FAM171B: variants seen among roughly 807,000 people sequenced by gnomAD.
FAM171B encodes protein FAM171B.
In FAM171B, 19 loss-of-function variants were observed where a neutral mutation model predicts 75.6. The ratio of observed to expected loss-of-function variants is 0.25; its 90% confidence interval spans 0.18 to 0.37. The LOEUF is 0.37. FAM171B is among the 10% of genes least tolerant of loss of function. The probability of loss-of-function intolerance (pLI) is 1.00; values close to 1 mark genes in which losing one functional copy is unlikely to be tolerated. For missense variants in FAM171B, 848 were observed against 982.4 expected (o/e 0.86, Z 1.83); for synonymous variants, 367 against 361.7 (o/e 1.01, Z -0.17).
chr2:186,717,984 GTTA>G (rs1177419618), intron 1 of FAM171B, among the ~76,000 whole-genome samples: 1 of 152,018 alleles, frequency 6.6e-6, no homozygotes, highest in Non-Finnish European at 1.5e-5. Context: ...CTCAATAAAT[GTTA>G]TTATAAATAA....
chr2:186,740,113 C>T, intron 1 of FAM171B, 115 bp from the exon 2 acceptor site: 1 of 671,362 alleles, frequency 1.5e-6, no homozygotes, highest in Non-Finnish European at 2.5e-6. Context: ...TGTGTAGTTC[C>T]TAAGTTTAAC....
intron 1 of FAM171B, among the ~76,000 whole-genome samples, chr2:186,714,012 G>A (rs1689842257): frequency 3.3e-5 from 5 of 152,084 alleles, no homozygotes; most frequent in Admixed American, 1.3e-4. Flanking sequence ...TTCTTTATGC[G>A]AAAAACAAGA....
At chr2:186,736,804 T>C (rs1248145172) in intron 1 of FAM171B, among the ~76,000 whole-genome samples, 3 of 152,046 alleles carry the variant, frequency 2.0e-5, no homozygotes, top group Non-Finnish European at 2.9e-5. Context: ...GGTATAACAA[T>C]ATTTTGATAG....
In FAM171B at chr2:186,761,802, C is replaced by G. The variant is rs965752652; in HGVS notation, c.1460C>G (p.Pro487Arg). ...YSRNPTQSLE[P>R]NVGSKQPKHI... is the part of the protein sequence containing the mutation. ...AGAAACCCAACACAGTCTTTGGAGC[C>G]CAATGTAGGGTCCAAACAACCTAAA... Residue 487 changes from proline to arginine, a missense_variant, in exon 8 of 8, where the codon CCC (proline) becomes CGC (arginine). Transcript: ENST00000304698. 3.6e-5 allele frequency: 58 copies of G among 1,613,032 alleles called. No individual in the cohort carries two copies. The highest frequency in any genetic ancestry group is 4.5e-5 in the Non-Finnish European group (53 of 1,179,748).
intron 1 of FAM171B, among the ~76,000 whole-genome samples, chr2:186,700,924 CT>C (rs1021547359): frequency 1.3e-4 from 19 of 150,148 alleles, no homozygotes; most frequent in South Asian, 4.2e-4. Flanking sequence ...TTCTCTTTAA[CT>C]TTTTTTTTTC....
rs1278610535 is a variant in FAM171B at position 186,753,897 on chromosome 2, A to G, written c.896-36A>G. On this transcript the variant is annotated intron_variant, in intron 5 of 7. Transcript: ENST00000304698. ...GTGCATGACCATCAGTTCTTAAGAT[A>G]TAACTGTAACAAGTATTTTTTACAT... is the stretch of plus-strand genomic sequence containing the variant. 7.9e-6 allele frequency: 12 copies of G among 1,518,294 alleles called. No individual in the cohort carries two copies. In the South Asian group the frequency reaches 1.3e-4, roughly 17 times the overall value. The allele number at this position is 1,518,294 out of a possible 1,614,324, so 94.1% of individuals were successfully genotyped here.
chr2:186,747,929 T>C (rs1690391245), intron 4 of FAM171B, among the ~76,000 whole-genome samples: 2 of 152,184 alleles, frequency 1.3e-5, no homozygotes, highest in Admixed American at 6.5e-5. Context: ...TCCACCATTT[T>C]TTTTTTCTTT....
At chr2:186,733,791 A>T (rs1052719470) in intron 1 of FAM171B, among the ~76,000 whole-genome samples, 5 of 152,190 alleles carry the variant, frequency 3.3e-5, no homozygotes, top group South Asian at 4.1e-4. Flanking sequence ...GTGTACCTCA[A>T]GTGGCTTCCG....
chr2:186,736,048 T>C (rs1183740946), intron 1 of FAM171B, among the ~76,000 whole-genome samples: 1 of 152,232 alleles, frequency 6.6e-6, no homozygotes, highest in Non-Finnish European at 1.5e-5. Context: ...TTGGAATCTC[T>C]TCCTCATATT....
intron 6 of FAM171B, among the ~76,000 whole-genome samples, chr2:186,756,472 T>G (rs973676279): frequency 6.6e-6 from 1 of 152,046 alleles, no homozygotes; most frequent in Non-Finnish European, 1.5e-5. Flanking sequence ...AACTGCAGAG[T>G]AGTAACTGGC....
chr2:186,742,716 A>AT (rs929292714), intron 2 of FAM171B, among the ~76,000 whole-genome samples: 12 of 152,156 alleles, frequency 7.9e-5, no homozygotes, highest in Non-Finnish European at 1.6e-4. Flanking sequence ...CTCAAAACTG[A>AT]TTTTTCTTTT....
chr2:186,736,442 A>G (rs769302625), intron 1 of FAM171B, among the ~76,000 whole-genome samples: 6 of 151,996 alleles, frequency 3.9e-5, no homozygotes, highest in Non-Finnish European at 7.4e-5. Context: ...GCACTTAAAA[A>G]CTAACACAAC....
intron 1 of FAM171B, among the ~76,000 whole-genome samples, chr2:186,734,548 G>A (rs1177479826): frequency 1.3e-5 from 2 of 152,176 alleles, no homozygotes; most frequent in South Asian, 2.1e-4. Context: ...CCTATCCGCA[G>A]GCAGGTCATC....
intron 5 of FAM171B, among the ~76,000 whole-genome samples, chr2:186,753,599 G>T (rs996891899): frequency 2.0e-5 from 3 of 152,052 alleles, no homozygotes; most frequent in Admixed American, 6.6e-5. Flanking sequence ...GTTTTTAATA[G>T]AGACGGGGTT....
Position 186,761,864 on chromosome 2 carries a change from G to A in FAM171B, c.1522G>A (p.Ala508Thr), listed in dbSNP as rs545396455. Residue 508 changes from alanine (A) to threonine (T), a missense_variant, in exon 8 of 8, where the codon GCT becomes ACT. Transcript: ENST00000304698. ...NNNLSSSLGD[A>T]QDEKRYLTGN... ...CAATCTATCTTCATCTCTAGGTGAT[G>A]CTCAAGATGAAAAGAGGTATCTCAC... is the stretch of plus-strand genomic sequence containing the variant. The A allele has an allele frequency of 5.0e-6, 8 of 1,613,138 alleles. No homozygotes were observed. The African/African-American group carries it at 5.3e-5, about 11-fold the overall frequency.
intron 6 of FAM171B, among the ~76,000 whole-genome samples, chr2:186,760,085 G>A (rs1394732480): frequency 6.6e-6 from 1 of 152,096 alleles, no homozygotes; most frequent in Non-Finnish European, 1.5e-5. Flanking sequence ...TGTTGAAAAT[G>A]AATTCACTGT....
chr2:186,695,790 G>A (rs1689570402), intron 1 of FAM171B, among the ~76,000 whole-genome samples: 2 of 152,186 alleles, frequency 1.3e-5, no homozygotes, highest in South Asian at 4.1e-4. Context: ...TGATAATATG[G>A]TTTGGGTGAG....
chr2:186,737,528 TAG>T (rs1351096970), intron 1 of FAM171B, among the ~76,000 whole-genome samples: 1 of 152,160 alleles, frequency 6.6e-6, no homozygotes, highest in Non-Finnish European at 1.5e-5. Context: ...AAGTTTTTTG[TAG>T]AGACAGGGTC....
chr2:186,757,753 G>A (rs1690553544), intron 6 of FAM171B, among the ~76,000 whole-genome samples: 1 of 152,070 alleles, frequency 6.6e-6, no homozygotes, highest in Non-Finnish European at 1.5e-5. Flanking sequence ...CATGCACACG[G>A]ATACAGATAC....
Sources: gnomAD v4.1 joint callset for allele counts (sites outside exome capture counted in the v4.1 genomes callset) on GRCh38, gnomAD v4.1.1 for gene constraint, MANE v1.5 for transcripts, NCBI Gene and HGNC (gene_info 2026-07-23, HGNC 2026-07-21) for gene names.